Variants in PTPRT observed in about 807,000 individuals in gnomAD.
PTPRT encodes receptor-type tyrosine-protein phosphatase T.
In PTPRT, 56 loss-of-function variants were observed where a neutral mutation model predicts 176.8. The ratio of observed to expected loss-of-function variants is 0.32; its 90% confidence interval spans 0.26 to 0.40. PTPRT has a LOEUF of 0.40. PTPRT is among the 10% of genes least tolerant of loss of function. The pLI is 1.00. For missense variants in PTPRT, 1,540 were observed against 1,908.2 expected (o/e 0.81, Z 3.60); for synonymous variants, 783 against 739.0 (o/e 1.06, Z -0.96).
intron 2 of PTPRT, among the ~76,000 whole-genome samples, chr20:42,882,430 G>A (rs759673102): frequency 6.6e-6 from 1 of 152,176 alleles, no homozygotes; most frequent in Non-Finnish European, 1.5e-5. Flanking sequence ...AGAAGCAAAA[G>A]CCATGTCTTT....
At chr20:42,626,779 G>C (rs376381035) in intron 7 of PTPRT, among the ~76,000 whole-genome samples, 1 of 152,194 alleles carries the variant, frequency 6.6e-6, no homozygotes, top group Non-Finnish European at 1.5e-5. Context: ...CAGGCCATGG[G>C]AGGCCTTCCT....
chr20:42,499,598 CT>C (rs1378417160), intron 7 of PTPRT, among the ~76,000 whole-genome samples: 1 of 152,064 alleles, frequency 6.6e-6, no homozygotes, highest in East Asian at 1.9e-4. Context: ...CCAATTTTAA[CT>C]TTTTAATAAC....
At chr20:43,172,562 C>T (rs190949411) in intron 1 of PTPRT, among the ~76,000 whole-genome samples, 108 of 152,318 alleles carry the variant, frequency 7.1e-4, no homozygotes, top group Admixed American at 3.3e-3. Context: ...ACCCCAGCCA[C>T]GCACTCTTAT....
chr20:42,205,599 GC>G (rs1381691471), intron 15 of PTPRT, among the ~76,000 whole-genome samples: 1 of 152,100 alleles, frequency 6.6e-6, no homozygotes, highest in East Asian at 1.9e-4. Context: ...GGACCATCCA[GC>G]CAACTGGTGG....
chr20:43,185,455 G>A (rs765525280), intron 1 of PTPRT, among the ~76,000 whole-genome samples: 1 of 152,170 alleles, frequency 6.6e-6, no homozygotes, highest in African/African-American at 2.4e-5. Flanking sequence ...GTGTCCTGAC[G>A]CAATATGTAG....
chr20:42,121,698 TA>T (rs1208808968), intron 19 of PTPRT, among the ~76,000 whole-genome samples: 7 of 14,226 alleles, frequency 4.9e-4, no homozygotes, highest in Non-Finnish European at 8.3e-4. Flanking sequence ...AGAAATTTTT[TA>T]TATATATATA....
At chr20:42,547,800 T>C (rs2072701887) in intron 7 of PTPRT, among the ~76,000 whole-genome samples, 1 of 152,044 alleles carries the variant, frequency 6.6e-6, no homozygotes, top group Non-Finnish European at 1.5e-5. Flanking sequence ...TTGTCATTAT[T>C]TGCAGATAAT....
chr20:43,041,462 C>A (rs1330756525), intron 1 of PTPRT, among the ~76,000 whole-genome samples: 1 of 152,224 alleles, frequency 6.6e-6, no homozygotes, highest in Non-Finnish European at 1.5e-5. Flanking sequence ...CATCACAGGA[C>A]TCCTGTGTGT....
chr20:42,202,268 C>A (rs1991484101), intron 15 of PTPRT, among the ~76,000 whole-genome samples: 1 of 152,122 alleles, frequency 6.6e-6, no homozygotes, highest in African/African-American at 2.4e-5. Context: ...CCGTGCCCAG[C>A]CGAGAAAGTT....
At chr20:42,641,567 C>G (rs1227837726) in intron 7 of PTPRT, among the ~76,000 whole-genome samples, 1 of 152,138 alleles carries the variant, frequency 6.6e-6, no homozygotes, top group African/African-American at 2.4e-5. Context: ...AAAAGTCCCT[C>G]TAAGTCTGTG....
At chr20:42,555,794 T>C (rs968557759) in intron 7 of PTPRT, among the ~76,000 whole-genome samples, 1 of 152,078 alleles carries the variant, frequency 6.6e-6, no homozygotes, top group African/African-American at 2.4e-5. Flanking sequence ...ACCATGAAAA[T>C]GAAATGTCCT....
At chr20:43,006,853 A>C (rs1984879082) in intron 1 of PTPRT, among the ~76,000 whole-genome samples, 2 of 152,192 alleles carry the variant, frequency 1.3e-5, no homozygotes, top group Non-Finnish European at 2.9e-5. Flanking sequence ...ACTGATGATA[A>C]GCTGATTAGA....
At chr20:42,422,304 A>G (rs2059125471) in intron 9 of PTPRT, among the ~76,000 whole-genome samples, 1 of 152,264 alleles carries the variant, frequency 6.6e-6, no homozygotes, top group South Asian at 2.1e-4. Context: ...CAAACTATGC[A>G]TCTGACAAAG....
intron 1 of PTPRT, among the ~76,000 whole-genome samples, chr20:43,003,963 A>C (rs573330707): frequency 6.6e-6 from 1 of 152,340 alleles, no homozygotes; most frequent in South Asian, 2.1e-4. Flanking sequence ...AGTGGATTTC[A>C]TTTCAGGAAT....
At chr20:43,178,310 C>T (rs1328126403) in intron 1 of PTPRT, among the ~76,000 whole-genome samples, 1 of 152,170 alleles carries the variant, frequency 6.6e-6, no homozygotes, top group Non-Finnish European at 1.5e-5. Flanking sequence ...TTGTGCCTGG[C>T]TTCTTTAAGG....
intron 2 of PTPRT, among the ~76,000 whole-genome samples, chr20:42,843,294 G>C (rs2145733313): frequency 6.6e-6 from 1 of 152,294 alleles, no homozygotes; most frequent in South Asian, 2.1e-4. Flanking sequence ...GCCACACCCG[G>C]CCTTCGTATG....
intron 1 of PTPRT, among the ~76,000 whole-genome samples, chr20:42,989,229 T>C (rs1158759831): frequency 6.6e-6 from 1 of 152,254 alleles, no homozygotes; most frequent in Non-Finnish European, 1.5e-5. Context: ...TGAGACCCTT[T>C]TCACATTACA....
At chr20:42,569,089 T>A (rs1206261776) in intron 7 of PTPRT, among the ~76,000 whole-genome samples, 36 of 93,038 alleles carry the variant, frequency 3.9e-4, no homozygotes, top group African/African-American at 9.3e-4. Flanking sequence ...AAAATATATA[T>A]ATATATATAT....
At chr20:42,110,222 A>ATCTT (rs371826243) in intron 23 of PTPRT, 111 bp downstream of exon 23, 14 of 1,021,628 alleles carry the variant, frequency 1.4e-5, no homozygotes, top group East Asian at 2.7e-5. Context: ...AAGTTTTTGT[A>ATCTT]TCTTTCTTTA....
Sources: gnomAD v4.1 joint callset for allele counts (sites outside exome capture counted in the v4.1 genomes callset) on GRCh38, gnomAD v4.1.1 for gene constraint, MANE v1.5 for transcripts, NCBI Gene and HGNC (gene_info 2026-07-23, HGNC 2026-07-21) for gene names.